Variants in CDH11 observed in about 807,000 individuals in gnomAD.
The protein encoded by CDH11 is cadherin 11.
In CDH11, 11 loss-of-function variants were observed where a neutral mutation model predicts 67.8. The observed-to-expected ratio is 0.16, with a 90% CI of 0.10 to 0.27. The LOEUF is 0.27. Ranked by LOEUF, CDH11 falls within the 10% of genes least tolerant of loss-of-function variation. CDH11 has a pLI of 1.00. For synonymous variants in CDH11, 419 were observed against 400.0 expected, an observed-to-expected ratio of 1.05 and a Z score of -0.57; for missense variants, 847 against 1,031.2, an observed-to-expected ratio of 0.82 and a Z score of 2.45.
chr16:65,010,971 T>A (rs201067789), intron 2 of CDH11, among the ~76,000 whole-genome samples: 2 of 127,930 alleles, frequency 1.6e-5, no homozygotes, highest in African/African-American at 6.5e-5. Context: ...ATATATGTGT[T>A]TATATATATA....
Position 64,947,637 on chromosome 16 carries a change from T to C in CDH11, c.2357A>G (p.Tyr786Cys), listed in dbSNP as rs370478307. 7.4e-6 allele frequency: 12 copies of C among 1,613,908 alleles called. No homozygotes were observed. Among genetic ancestry groups the C allele is most frequent in the African/African-American group, 1.3e-5 (1 of 74,918 alleles). Residue 786 changes from tyrosine to cysteine, a missense_variant, in exon 13 of 13, where the codon TAT becomes TGT. This residue lies in a region of CDH11 where 612 missense variants were observed against 678.7 expected (regional missense o/e 0.90). Transcript: ENST00000268603. ...GTCATCAAAAGTGTCTTTGGAACCA[T>C]ACAAATCTGCTAGTTTCTTAAAACG... ...GPRFKKLADL[Y>C]GSKDTFDDDS
chr16:65,096,065 A>G (rs187353608), intron 1 of CDH11, among the ~76,000 whole-genome samples: 65 of 152,356 alleles, frequency 4.3e-4, no homozygotes, highest in African/African-American at 1.5e-3. Flanking sequence ...TGATATATAC[A>G]TAAATGCAGA....
chr16:65,121,871 G>A lies in CDH11; in HGVS notation c.-298+9C>T, dbSNP rs776852255. The A allele has an allele frequency of 2.9e-4, 202 of 701,898 alleles. No individual in the cohort carries two copies. The highest frequency in any genetic ancestry group is 2.9e-3 in the South Asian group (193 of 67,592). 43.5% of individuals were successfully genotyped at this position (701,898 alleles called of 1,614,324 possible). ...CAGGCGAGAGGAAGGGACTGGCGGC[G>A]CACCTCACCTGGGGCCCTTGAGGGT... is the stretch of plus-strand genomic sequence containing the variant. On this transcript the variant is annotated intron_variant, in intron 1 of 12. Coordinates refer to ENST00000268603, the MANE Select transcript of CDH11 (RefSeq NM_001797.4). The surrounding 1 kb of genome is among the most constrained non-coding windows in gnomAD (Gnocchi z 4.1).
rs1011893366 is a variant in CDH11, at chr16:65,091,578, G to A, written c.-298+30302C>T. ...CCTTTTTTTTTTTTTTTGAGACGGA[G>A]TCTCACTCTGTGGCCCGGGCTGGAG... is the stretch of plus-strand genomic sequence containing the variant. On this transcript the variant is annotated intron_variant, in intron 1 of 12. Coordinates refer to ENST00000268603, the MANE Select transcript of CDH11 (RefSeq NM_001797.4). 2.7e-4 allele frequency among the ~76,000 whole-genome samples: 39 copies of A among 144,100 alleles called. No homozygotes were observed. In the South Asian group the frequency reaches 7.3e-3, roughly 27 times the overall value. 94.5% of individuals were successfully genotyped at this position (144,100 alleles called of 152,430 possible). A position where few individuals can be genotyped will look rare whatever the true frequency, so the allele number is the denominator to read the frequency against.
rs753109331 is a variant in CDH11 at position 64,982,286 on chromosome 16, T to C, written c.1015A>G (p.Thr339Ala). ...IKLKKPVDFE[T>A]KRAYSLKVEA... ...ACCTTCAAGCTATAGGCTCTTTTGG[T>C]TTCAAAATCTACAGGCTGGCAAGAA... The change falls in exon 8 of 13, where the codon ACC becomes GCC. Residue 339 changes from threonine to alanine, a missense_variant. Around this residue, in one of 2 missense-constraint regions of CDH11, gnomAD observed 612 missense variants for 678.7 expected, o/e 0.90. Transcript: ENST00000268603. 7 of 1,612,174 alleles carry C rather than the reference T, an allele frequency of 4.3e-6. No homozygotes were observed. In the South Asian group the frequency reaches 7.7e-5, roughly 18 times the overall value.
At chr16:64,995,554 A>G (rs1408112512) in intron 4 of CDH11, among the ~76,000 whole-genome samples, 1 of 152,194 alleles carries the variant, frequency 6.6e-6, no homozygotes, top group Non-Finnish European at 1.5e-5. Flanking sequence ...AGAAGAGTGA[A>G]ACTGGACCCC....
chr16:64,950,684 G>C (rs2071334739), intron 12 of CDH11, 83 bp downstream of exon 12: 3 of 1,386,870 alleles, frequency 2.2e-6, no homozygotes, highest in East Asian at 6.0e-5. Flanking sequence ...CTGGTTACCA[G>C]CCTGTATTTG....
At chr16:65,098,958 CTATTA>C (rs1409988241) in intron 1 of CDH11, among the ~76,000 whole-genome samples, 1 of 152,126 alleles carries the variant, frequency 6.6e-6, no homozygotes, top group African/African-American at 2.4e-5. Context: ...TTTCAGATCT[CTATTA>C]TATTTGATAT....
At chr16:65,066,552 G>T (rs535770768) in intron 1 of CDH11, among the ~76,000 whole-genome samples, 3 of 152,266 alleles carry the variant, frequency 2.0e-5, no homozygotes, top group African/African-American at 7.2e-5. Context: ...ATTTTAAAAC[G>T]TTAATAAAAC....
chr16:65,113,331 A>T (rs1294379604), intron 1 of CDH11, among the ~76,000 whole-genome samples: 12 of 151,894 alleles, frequency 7.9e-5, no homozygotes, highest in African/African-American at 2.9e-4. Context: ...GTGAAAAGAG[A>T]TTGGGTTAAG....
intron 2 of CDH11, among the ~76,000 whole-genome samples, chr16:65,027,189 A>C (rs183069898): frequency 6.6e-6 from 1 of 152,304 alleles, no homozygotes; most frequent in Non-Finnish European, 1.5e-5. Flanking sequence ...AGGAGGGACA[A>C]TTCTGTTCTG....
At chr16:64,980,770 GGTCACTCTGGCTGCAGA>G (rs1384471427) in intron 8 of CDH11, among the ~76,000 whole-genome samples, 1 of 152,086 alleles carries the variant, frequency 6.6e-6, no homozygotes, top group East Asian at 1.9e-4. Flanking sequence ...ATTGTATGAG[GGTCACTCTGGCTGCAGA>G]GTCAGGATTC....
upstream of CDH11, among the ~76,000 whole-genome samples, chr16:65,123,018 G>C (rs2142909849): frequency 6.6e-6 from 1 of 152,308 alleles, no homozygotes; most frequent in Non-Finnish European, 1.5e-5. Context: ...TTCCTCCGCT[G>C]TTCCCCTCAC....
chr16:65,066,131 T>C (rs1358983949), intron 1 of CDH11, among the ~76,000 whole-genome samples: 1 of 152,224 alleles, frequency 6.6e-6, no homozygotes, highest in African/African-American at 2.4e-5. Flanking sequence ...AGGAACCCAT[T>C]GCTTTGCCTC....
chr16:64,977,150 T>C (rs893620700), intron 8 of CDH11, among the ~76,000 whole-genome samples: 2 of 151,664 alleles, frequency 1.3e-5, no homozygotes, highest in Non-Finnish European at 2.9e-5. Flanking sequence ...CAGTGAACCA[T>C]GATGACACCA....
At chr16:65,045,351 A>ATCTATATC (rs1555522696) in intron 2 of CDH11, among the ~76,000 whole-genome samples, 6 of 119,630 alleles carry the variant, frequency 5.0e-5, no homozygotes, top group Non-Finnish European at 9.0e-5. Context: ...ATATATATAT[A>ATCTATATC]TATATATATA....
intron 8 of CDH11, among the ~76,000 whole-genome samples, chr16:64,975,110 G>A (rs2072127352): frequency 6.6e-6 from 1 of 152,106 alleles, no homozygotes; most frequent in Non-Finnish European, 1.5e-5. Context: ...GGCTGAACTG[G>A]AATATTAATA....
intron 2 of CDH11, among the ~76,000 whole-genome samples, chr16:65,043,100 A>C (rs1214695106): frequency 6.6e-6 from 1 of 152,214 alleles, no homozygotes; most frequent in East Asian, 1.9e-4. Context: ...ATCTGCCTTC[A>C]GAGTAGAAGT....
At chr16:65,038,485 T>A (rs2073798185) in intron 2 of CDH11, among the ~76,000 whole-genome samples, 1 of 152,168 alleles carries the variant, frequency 6.6e-6, no homozygotes, top group South Asian at 2.1e-4. Context: ...GATTTAAGTG[T>A]CTTTAATCTA....
Sources: allele counts gnomAD v4.1 joint callset (sites outside exome capture counted in the v4.1 genomes callset), GRCh38; gene constraint gnomAD v4.1.1; regional missense constraint gnomAD v4.1.1; non-coding constraint Gnocchi (gnomAD v3.1); transcripts MANE v1.5; gene names NCBI Gene and HGNC (gene_info 2026-07-23, HGNC 2026-07-21).